RBFOX1: variants seen among roughly 807,000 people sequenced by gnomAD.
RBFOX1 encodes the protein RNA binding fox-1 homolog 1, also known as RNA binding protein fox-1 homolog 1.
A neutral mutation model predicts 57.7 loss-of-function variants in RBFOX1; 8 were observed. The observed-to-expected ratio is 0.14, with a 90% CI of 0.08 to 0.25. The LOEUF (loss-of-function observed/expected upper bound fraction) is 0.25, where lower values mean the gene tolerates loss of function less well. RBFOX1 is among the 10% of genes least tolerant of loss of function. RBFOX1 has a pLI of 1.00. For missense variants in RBFOX1, 611 were observed against 548.5 expected (o/e 1.11, Z -1.14); for synonymous variants, 326 against 222.4 (o/e 1.47, Z -4.15).
chr16:5,964,469 G>T (rs1028127306), intron 4 of RBFOX1, among the ~76,000 whole-genome samples: 1 of 152,096 alleles, frequency 6.6e-6, no homozygotes, highest in Non-Finnish European at 1.5e-5. Flanking sequence ...ATTCACAATA[G>T]CCAAAATATG....
chr16:5,647,052 A>G (rs961264781), intron 3 of RBFOX1, among the ~76,000 whole-genome samples: 1 of 151,980 alleles, frequency 6.6e-6, no homozygotes, highest in Non-Finnish European at 1.5e-5. Context: ...ACACTATAGG[A>G]CCCTGTTCTT....
chr16:7,003,894 G>C (rs2093060119), intron 3 of RBFOX1: 2 of 151,938 alleles, frequency 1.3e-5, no homozygotes, highest in African/African-American at 4.8e-5. Flanking sequence ...TTGGCTTTCA[G>C]TGGGTCAATG....
At chr16:6,550,933 A>C (rs2096978509) in intron 2 of RBFOX1, among the ~76,000 whole-genome samples, 1 of 152,148 alleles carries the variant, frequency 6.6e-6, no homozygotes, top group Non-Finnish European at 1.5e-5. Context: ...AGTTATCATC[A>C]TTTGGGTCTG....
chr16:6,779,853 A>T lies in RBFOX1; in HGVS notation c.-16+125203A>T, dbSNP rs866201862. Among the ~76,000 whole-genome samples, 4 of 35,250 alleles carry T rather than the reference A, an allele frequency of 1.1e-4. 1 individual carries two copies. Among genetic ancestry groups the T allele is most frequent in the Non-Finnish European group, 1.7e-4 (4 of 24,162 alleles). 23.1% of individuals were successfully genotyped at this position (35,250 alleles called of 152,430 possible). A position where few individuals can be genotyped will look rare whatever the true frequency, so the allele number is the denominator to read the frequency against. The stretch of plus-strand genomic sequence containing the variant: ...TTTTTATATATTTATATATATATTT[A>T]TATATATTTATATATTTATATATAT... On this transcript the variant is annotated intron_variant, in intron 3 of 15. Coordinates refer to ENST00000550418, the MANE Select transcript of RBFOX1 (RefSeq NM_018723.4).
chr16:5,428,329 A>G (rs769804613), intron 1 of RBFOX1, among the ~76,000 whole-genome samples: 1 of 152,154 alleles, frequency 6.6e-6, no homozygotes, highest in Non-Finnish European at 1.5e-5. Context: ...CTATCACACA[A>G]TGGTTACACA....
At chr16:6,132,032 T>G (rs1185364951) in intron 1 of RBFOX1, among the ~76,000 whole-genome samples, 1 of 152,240 alleles carries the variant, frequency 6.6e-6, no homozygotes, top group Non-Finnish European at 1.5e-5. Context: ...TTGTTTAGTA[T>G]GATTATTTTA....
At chr16:6,698,344 T>G (rs1050641704) in intron 3 of RBFOX1, among the ~76,000 whole-genome samples, 1 of 152,206 alleles carries the variant, frequency 6.6e-6, no homozygotes, top group African/African-American at 2.4e-5. Flanking sequence ...AAAGTCTGCA[T>G]TGATCTTCAA....
chr16:6,116,509 A>G (rs1478943730), intron 1 of RBFOX1, among the ~76,000 whole-genome samples: 4 of 152,232 alleles, frequency 2.6e-5, no homozygotes, highest in Non-Finnish European at 5.9e-5. Context: ...AGATTTTCTT[A>G]CATGAATATG....
At chr16:6,832,682 C>A (rs1287878017) in intron 3 of RBFOX1, among the ~76,000 whole-genome samples, 1 of 152,176 alleles carries the variant, frequency 6.6e-6, no homozygotes. Flanking sequence ...TTTACCCACT[C>A]AAAATAAGTT....
intron 4 of RBFOX1, among the ~76,000 whole-genome samples, chr16:5,912,530 G>A (rs570957887): frequency 6.6e-6 from 1 of 152,260 alleles, no homozygotes; most frequent in African/African-American, 2.4e-5. Context: ...TGCATTGCAC[G>A]TTGAAAGGCT....
chr16:6,487,546 A>C (rs2095512351), intron 2 of RBFOX1, among the ~76,000 whole-genome samples: 1 of 151,638 alleles, frequency 6.6e-6, no homozygotes, highest in African/African-American at 2.4e-5. Context: ...GTTTCTAAGC[A>C]TTTACCGATA....
At chr16:6,653,138 C>T (rs186455508) in intron 2 of RBFOX1, among the ~76,000 whole-genome samples, 2 of 152,220 alleles carry the variant, frequency 1.3e-5, no homozygotes, top group Admixed American at 1.3e-4. Flanking sequence ...GGCTACTTGG[C>T]TCATCCCCCT....
chr16:7,283,414 G>A (rs1458865470), intron 4 of RBFOX1, among the ~76,000 whole-genome samples: 1 of 152,180 alleles, frequency 6.6e-6, no homozygotes, highest in Admixed American at 6.5e-5. Context: ...CAGTTGGAAA[G>A]ATTTAGGGGA....
chr16:6,200,931 GTTAAC>G (rs1157669499), intron 1 of RBFOX1, among the ~76,000 whole-genome samples: 4 of 121,172 alleles, frequency 3.3e-5, no homozygotes, highest in Admixed American at 1.0e-4. Context: ...AGTTTTCGGT[GTTAAC>G]TTAGTGAGGT....
intron 3 of RBFOX1, among the ~76,000 whole-genome samples, chr16:5,731,024 C>A (rs376342886): frequency 5.4e-5 from 8 of 148,300 alleles, no homozygotes; most frequent in Admixed American, 4.7e-4. Flanking sequence ...CCAATGTAAC[C>A]GTCATCACCA....
chr16:6,429,740 C>G (rs2094024848), intron 2 of RBFOX1, among the ~76,000 whole-genome samples: 2 of 152,180 alleles, frequency 1.3e-5, no homozygotes, highest in African/African-American at 2.4e-5. Flanking sequence ...CACAAGCTCT[C>G]TTGCCTGCTG....
At chr16:6,572,009 T>C (rs974572863) in intron 2 of RBFOX1, among the ~76,000 whole-genome samples, 18 of 152,188 alleles carry the variant, frequency 1.2e-4, no homozygotes, top group Non-Finnish European at 2.5e-4. Context: ...TTTATACCTT[T>C]ACATGGCCTG....
chr16:5,369,063 G>A (rs890789420), intron 1 of RBFOX1, among the ~76,000 whole-genome samples: 1 of 152,132 alleles, frequency 6.6e-6, no homozygotes, highest in Non-Finnish European at 1.5e-5. Flanking sequence ...GTGCAGTGGC[G>A]CCATCTTGGT....
At chr16:7,459,039 T>TGATG (rs1419230831) in intron 4 of RBFOX1, among the ~76,000 whole-genome samples, 1 of 151,800 alleles carries the variant, frequency 6.6e-6, no homozygotes, top group Non-Finnish European at 1.5e-5. Flanking sequence ...GATGGATGAA[T>TGATG]GATGGATGGA....
Sources: allele counts gnomAD v4.1 joint callset (sites outside exome capture counted in the v4.1 genomes callset), GRCh38; gene constraint gnomAD v4.1.1; transcripts MANE v1.5; gene names NCBI Gene and HGNC (gene_info 2026-07-23, HGNC 2026-07-21).